The following TTC23L variants were observed in gnomAD, a reference collection of about 807,000 sequenced individuals.
The protein encoded by TTC23L is tetratricopeptide repeat protein 23-like.
Under a neutral mutation model 48.1 loss-of-function variants are expected in TTC23L, and 42 were observed. The ratio of observed to expected loss-of-function variants is 0.87; its 90% CI spans 0.68 to 1.13. The LOEUF (loss-of-function observed/expected upper bound fraction) is 1.13, where lower values mean the gene tolerates loss of function less well. Among genes scored for constraint, TTC23L ranks in the 50% most tolerant of loss-of-function variants. The probability of loss-of-function intolerance (pLI) is 0.00; values close to 1 mark genes in which losing one functional copy is unlikely to be tolerated. For missense variants in TTC23L, 391 were observed against 421.0 expected, an observed-to-expected ratio of 0.93 and a Z score of 0.62; for synonymous variants, 159 against 157.2, an observed-to-expected ratio of 1.01 and a Z score of -0.09.
chr5:34,841,796 C>T (rs1199296805), intron 2 of TTC23L, among the ~76,000 whole-genome samples: 1 of 152,224 alleles, frequency 6.6e-6, no homozygotes, highest in African/African-American at 2.4e-5. Context: ...GGATTACAGG[C>T]ATGAGCCACT....
At chr5:34,922,825 T>A in the TTC23L span, 1 of 1,467,418 alleles carries the variant, frequency 6.8e-7, no homozygotes, top group African/African-American at 1.4e-5. Context: ...TGGTTGTTTT[T>A]AGTAGATATA....
At chr5:34,852,165 G>A (rs1443604275) in intron 4 of TTC23L, among the ~76,000 whole-genome samples, 4 of 152,112 alleles carry the variant, frequency 2.6e-5, no homozygotes, top group East Asian at 1.9e-4. Flanking sequence ...GATTACAGGC[G>A]TGAGCCATGG....
chr5:34,853,408 G>T (rs1016657939), intron 4 of TTC23L, among the ~76,000 whole-genome samples: 1 of 152,260 alleles, frequency 6.6e-6, no homozygotes, highest in Non-Finnish European at 1.5e-5. Context: ...GTGTGTGCCT[G>T]TAATCCTAGC....
the TTC23L span, chr5:34,920,148 G>A: frequency 8.2e-6 from 2 of 243,904 alleles, no homozygotes; most frequent in Non-Finnish European, 1.6e-5. Flanking sequence ...GTAGTGTCTA[G>A]TATTATGCTA....
At chr5:34,907,361 T>G in the TTC23L span, 1 of 152,166 alleles carries the variant, frequency 6.6e-6, no homozygotes, top group South Asian at 2.1e-4. Context: ...AATCCTGCAA[T>G]GGGATGACAG....
the TTC23L span, chr5:34,916,629 G>C: frequency 6.6e-6 from 1 of 152,218 alleles, no homozygotes; most frequent in Non-Finnish European, 1.5e-5. Context: ...ATTCAACTAA[G>C]AACTCTTCTT....
At chr5:34,909,258 C>T in the TTC23L span, 3 of 1,593,828 alleles carry the variant, frequency 1.9e-6, no homozygotes, top group Non-Finnish European at 1.7e-6. Flanking sequence ...AAGAACTGAC[C>T]TGTTGACTTG....
intron 1 of TTC23L, chr5:34,839,571 C>A: frequency 2.2e-6 from 2 of 921,202 alleles, no homozygotes; most frequent in Non-Finnish European, 2.6e-6. Flanking sequence ...TTGCTGTGGG[C>A]ATAGTGTTTA....
chr5:34,893,309 G>A (rs1038770354), intron 9 of TTC23L, among the ~76,000 whole-genome samples: 2 of 152,204 alleles, frequency 1.3e-5, no homozygotes, highest in Non-Finnish European at 2.9e-5. Context: ...TAGGGCGCCT[G>A]AGGGAAGATG....
At chr5:34,861,761 G>A (rs976122549) in intron 4 of TTC23L, among the ~76,000 whole-genome samples, 3 of 152,214 alleles carry the variant, frequency 2.0e-5, no homozygotes, top group African/African-American at 7.2e-5. Flanking sequence ...GGCTGGTGGT[G>A]TGAAGTGAGG....
In TTC23L at chr5:34,843,703, C is replaced by T. The variant is rs1446146930; in HGVS notation, c.69-1784C>T. Among the ~76,000 whole-genome samples, 3 of 152,284 alleles carry T rather than the reference C, an allele frequency of 2.0e-5. No individual in the cohort carries two copies. In the East Asian group the frequency reaches 5.8e-4, roughly 29 times the overall value. The stretch of plus-strand genomic sequence containing the variant: ...ACTGCCCCTTGCAGAACAGGGCTAG[C>T]TCATAGGCAGCATGCCCAGAGTCAG... On this transcript the variant is annotated intron_variant, in intron 2 of 10. Coordinates refer to ENST00000505624, the Ensembl canonical transcript of TTC23L.
chr5:34,879,852 C>A (rs557471844), intron 8 of TTC23L, among the ~76,000 whole-genome samples: 1 of 151,948 alleles, frequency 6.6e-6, no homozygotes, highest in African/African-American at 2.4e-5. Flanking sequence ...AAAAATTAGC[C>A]GGGCATGGTG....
intron 9 of TTC23L, chr5:34,883,623 T>C (rs1344233188): frequency 6.6e-6 from 1 of 152,172 alleles, no homozygotes; most frequent in Non-Finnish European, 1.5e-5. Context: ...TTAAAAGGAA[T>C]ATAAGAGACT....
At chr5:34,906,311 A>G in the TTC23L span, 1 of 152,076 alleles carries the variant, frequency 6.6e-6, no homozygotes, top group African/African-American at 2.4e-5. Flanking sequence ...GCTGATTTAT[A>G]TTTGTTTTAA....
At chr5:34,850,156 A>G (rs768209095) in intron 3 of TTC23L, 29 bp from the exon 4 acceptor site, 2 of 1,612,460 alleles carry the variant, frequency 1.2e-6, no homozygotes, top group Non-Finnish European at 1.7e-6. Flanking sequence ...TTCCTTTCCA[A>G]AAAGTATAAT....
At chr5:34,907,221 A>G in the TTC23L span, 1 of 152,170 alleles carries the variant, frequency 6.6e-6, no homozygotes, top group African/African-American at 2.4e-5. Flanking sequence ...GCATTCCAAT[A>G]TATCCTCCAA....
intron 2 of TTC23L, among the ~76,000 whole-genome samples, chr5:34,844,324 TTAATTAGAA>T (rs1758934308): frequency 2.7e-5 from 1 of 37,622 alleles, no homozygotes; most frequent in African/African-American, 1.3e-4. Context: ...TCTTGATAAG[TTAATTAGAA>T]TAGAACTCTA....
chr5:34,900,215 C>T (rs759193128), downstream of TTC23L, among the ~76,000 whole-genome samples: 2 of 152,164 alleles, frequency 1.3e-5, no homozygotes, highest in Non-Finnish European at 2.9e-5. Context: ...TGCTAATAGC[C>T]TACTGTTAAC....
chr5:34,890,367 G>A (rs2111787461), intron 9 of TTC23L, among the ~76,000 whole-genome samples: 1 of 147,024 alleles, frequency 6.8e-6, no homozygotes, highest in South Asian at 2.2e-4. Context: ...ATAACTTGAG[G>A]CCAGGTCAAG....
Sources: gnomAD v4.1 joint callset for allele counts (sites outside exome capture counted in the v4.1 genomes callset) on GRCh38, gnomAD v4.1.1 for gene constraint, MANE v1.5 for transcripts, NCBI Gene and HGNC (gene_info 2026-07-23, HGNC 2026-07-21) for gene names.